The following RANBP2 variants were observed in gnomAD, a reference collection of about 807,000 sequenced individuals.
RANBP2 encodes RAN binding protein 2.
RANBP2 carries 57 observed loss-of-function variants against 303.6 expected under a neutral mutation model. That is an observed-to-expected ratio of 0.19 (90% confidence interval 0.15 to 0.23). The LOEUF (loss-of-function observed/expected upper bound fraction) is 0.23, where lower values mean the gene tolerates loss of function less well. RANBP2 is among the 10% of genes least tolerant of loss of function. RANBP2 has a pLI of 1.00. For missense variants in RANBP2, 3,138 were observed against 3,780.8 expected, an observed-to-expected ratio of 0.83 and a Z score of 4.46; for synonymous variants, 1,167 against 1,301.5, an observed-to-expected ratio of 0.90 and a Z score of 2.23.
At chr2:108,934,876 C>T in the RANBP2 span, among the ~76,000 whole-genome samples, 1 of 152,184 alleles carries the variant, frequency 6.6e-6, no homozygotes, top group African/African-American at 2.4e-5. Context: ...CAAACCAAAG[C>T]AGCGTGGAAA....
chr2:108,768,218 C>A lies in RANBP2; in HGVS notation c.7679C>A (p.Thr2560Asn). 6.2e-7 allele frequency: 1 copy of A among 1,611,982 alleles called. No individual in the cohort carries two copies. Among genetic ancestry groups the A allele is most frequent in the Non-Finnish European group, 8.5e-7 (1 of 1,179,844 alleles). Residue 2560 changes from threonine (T) to asparagine (N), a missense_variant, in exon 20 of 29, where the codon ACT becomes AAT. Around this residue, in one of 20 missense-constraint regions of RANBP2, gnomAD observed 497 missense variants for 465.8 expected, o/e 1.07. Transcript: ENST00000283195. ...CCTTTGAAAAGTAACAATAGTGAAA[C>A]TAGTTCAGTAGCCCAGAGTGGATCT... ...NAPLKSNNSE[T>N]SSVAQSGSES...
At chr2:108,826,556 A>G in the RANBP2 span, among the ~76,000 whole-genome samples, 1 of 152,204 alleles carries the variant, frequency 6.6e-6, no homozygotes, top group East Asian at 1.9e-4. Context: ...GAAAATAAAT[A>G]CAGTGTAAAT....
chr2:109,001,489 A>G, the RANBP2 span, among the ~76,000 whole-genome samples: 6 of 152,172 alleles, frequency 3.9e-5, no homozygotes, highest in South Asian at 1.2e-3. Context: ...TGGGCAAGAG[A>G]GAGGAGCTGG....
the RANBP2 span, among the ~76,000 whole-genome samples, chr2:109,071,866 C>T: frequency 6.6e-6 from 1 of 151,926 alleles, no homozygotes; most frequent in Non-Finnish European, 1.5e-5. Context: ...CAGGAACATG[C>T]CAGCATTTAG....
the RANBP2 span, chr2:109,347,799 C>A: frequency 3.1e-6 from 5 of 1,613,860 alleles, no homozygotes; most frequent in African/African-American, 1.3e-5. Flanking sequence ...AGTGGTACCA[C>A]GGCGAGCTGC....
At chr2:109,605,750 T>C in the RANBP2 span, 3 of 152,220 alleles carry the variant, frequency 2.0e-5, no homozygotes, top group African/African-American at 4.8e-5. Flanking sequence ...CAGAGTTACA[T>C]GGAAACTGTA....
the RANBP2 span, among the ~76,000 whole-genome samples, chr2:109,054,063 G>T: frequency 6.6e-6 from 1 of 152,298 alleles, no homozygotes; most frequent in African/African-American, 2.4e-5. Flanking sequence ...GCTCTGCAAG[G>T]CGTGTTCATG....
chr2:109,219,604 T>C, the RANBP2 span, among the ~76,000 whole-genome samples: 2 of 152,348 alleles, frequency 1.3e-5, no homozygotes, highest in South Asian at 2.1e-4. Context: ...TCGGCAAAGT[T>C]GCAAAATATA....
chr2:109,720,373 G>T, the RANBP2 span, among the ~76,000 whole-genome samples: 1 of 151,966 alleles, frequency 6.6e-6, no homozygotes, highest in Non-Finnish European at 1.5e-5. Context: ...CCTATCAGTG[G>T]TTCTTAATTC....
the RANBP2 span, among the ~76,000 whole-genome samples, chr2:109,659,043 T>G: frequency 6.6e-6 from 1 of 150,402 alleles, no homozygotes; most frequent in Non-Finnish European, 1.5e-5. Flanking sequence ...CCAGCCTGGG[T>G]GACAGGGCGA....
At chr2:109,482,161 A>G in the RANBP2 span, among the ~76,000 whole-genome samples, 1 of 152,158 alleles carries the variant, frequency 6.6e-6, no homozygotes, top group Non-Finnish European at 1.5e-5. Flanking sequence ...TCTCTTGTTC[A>G]GCATCTCAGA....
At chr2:108,731,590 A>G (rs1695172662) in intron 4 of RANBP2, 116 bp downstream of exon 4, 1 of 1,563,474 alleles carries the variant, frequency 6.4e-7, no homozygotes, top group Non-Finnish European at 8.6e-7. Flanking sequence ...TTTCCTTTAA[A>G]AATTTTCTTT....
chr2:109,578,489 G>A, the RANBP2 span, among the ~76,000 whole-genome samples: 1 of 152,182 alleles, frequency 6.6e-6, no homozygotes, highest in Non-Finnish European at 1.5e-5. Flanking sequence ...TGTTGGCCAG[G>A]CATGGCAGGC....
the RANBP2 span, among the ~76,000 whole-genome samples, chr2:109,148,735 C>A: frequency 6.6e-6 from 1 of 152,220 alleles, no homozygotes; most frequent in South Asian, 2.1e-4. Context: ...GAATTGAGTT[C>A]TGAAGTTACT....
At chr2:109,176,490 G>T in the RANBP2 span, among the ~76,000 whole-genome samples, 6 of 152,266 alleles carry the variant, frequency 3.9e-5, 1 homozygote, top group South Asian at 1.0e-3. Context: ...CTAACACTTT[G>T]TGGGGCCAAG....
At chr2:109,673,098 G>C in the RANBP2 span, among the ~76,000 whole-genome samples, 1 of 152,174 alleles carries the variant, frequency 6.6e-6, no homozygotes, top group East Asian at 1.9e-4. Flanking sequence ...CAGGTTCTAA[G>C]CTCTAAGGGG....
intron 7 of RANBP2, among the ~76,000 whole-genome samples, chr2:108,745,910 T>C (rs1696473931): frequency 6.6e-6 from 1 of 151,018 alleles, no homozygotes; most frequent in Non-Finnish European, 1.5e-5. Context: ...GCTTTTTTTT[T>C]TTTTTCTTTT....
At chr2:108,725,049 T>C (rs1694584326) in intron 1 of RANBP2, among the ~76,000 whole-genome samples, 1 of 152,222 alleles carries the variant, frequency 6.6e-6, no homozygotes, top group African/African-American at 2.4e-5. Flanking sequence ...CATCTCTATC[T>C]TACTGTGCAA....
downstream of RANBP2, among the ~76,000 whole-genome samples, chr2:108,789,345 C>T (rs1433392439): frequency 1.3e-5 from 2 of 152,122 alleles, no homozygotes; most frequent in African/African-American, 4.8e-5. Flanking sequence ...GTAATCCCAG[C>T]ACTTTGGGAG....
Sources: gnomAD v4.1 joint callset for allele counts (sites outside exome capture counted in the v4.1 genomes callset) on GRCh38, gnomAD v4.1.1 for gene constraint, gnomAD v4.1.1 regional missense constraint, MANE v1.5 for transcripts, NCBI Gene and HGNC (gene_info 2026-07-23, HGNC 2026-07-21) for gene names.